The following IYD variants were observed in gnomAD, a reference collection of about 807,000 sequenced individuals.
IYD encodes iodotyrosine deiodinase, also known as iodotyrosine deiodinase 1.
IYD carries 25 observed loss-of-function variants against 28.4 expected under a neutral mutation model. The observed-to-expected ratio is 0.88, with a 90% CI of 0.64 to 1.23. The LOEUF (loss-of-function observed/expected upper bound fraction) is 1.23. Among genes scored for constraint, IYD ranks in the 50% most tolerant of loss-of-function variants. The probability of loss-of-function intolerance (pLI) is 0.00; values close to 1 mark genes in which losing one functional copy is unlikely to be tolerated. For synonymous variants in IYD, 140 were observed against 130.8 expected (o/e 1.07, Z -0.48); for missense variants, 352 against 357.9 (o/e 0.98, Z 0.13).
At position 150,398,206 on chromosome 6, in the gene IYD, A is replaced by C. The variant is rs1000455981; in HGVS notation, c.839A>C (p.Lys280Thr). Residue 280 changes from lysine (K) to threonine (T), a missense_variant, in exon 5 of 5, where the codon AAA (lysine) becomes ACA (threonine). Physicochemically the swap from Lys to Thr is moderately conservative, Grantham distance 78. Coordinates refer to ENST00000344419, the MANE Select transcript of IYD (RefSeq NM_203395.3). ...GCCACGGTGCCTGACCTCAAGCGCA[A>C]ACCTCTGGACCAGATCATGGTGACA... Reference protein sequence around the residue: ...KEATVPDLKRKPLDQIMVTV With the variant: ...KEATVPDLKRTPLDQIMVTV 1.9e-6 allele frequency: 3 copies of C among 1,614,098 alleles called. No homozygotes were observed. The highest frequency in any genetic ancestry group is 2.5e-6 in the Non-Finnish European group (3 of 1,180,002).
At chr6:150,370,605 T>C in intron 1 of IYD, 1 of 985,406 alleles carries the variant, frequency 1.0e-6, no homozygotes, top group Non-Finnish European at 1.2e-6. Context: ...ACTCAGAACG[T>C]CAATTCTACC....
intron 1 of IYD, among the ~76,000 whole-genome samples, chr6:150,381,687 C>T (rs1015401675): frequency 9.9e-5 from 15 of 152,104 alleles, no homozygotes; most frequent in African/African-American, 3.4e-4. Context: ...TGCTTTTCTT[C>T]TTAGTTGCAT....
chr6:150,389,520 T>C lies in IYD; in HGVS notation c.347T>C (p.Ile116Thr), dbSNP rs121918139. The C allele has an allele frequency of 2.5e-6, 4 of 1,614,086 alleles. No individual in the cohort carries two copies. Among genetic ancestry groups the C allele is most frequent in the Non-Finnish European group, 3.4e-6 (4 of 1,179,972 alleles). ...ISNEQVPMEVIDNVIRTAGTA... is the reference protein window; with the variant it reads ...ISNEQVPMEVTDNVIRTAGTA... ...AATGAGCAAGTCCCAATGGAAGTCA[T>C]TGATAATGTCATCAGAACGGCAGGT... Residue 116 changes from isoleucine (I) to threonine (T), a missense_variant, in exon 2 of 5, where the codon ATT (isoleucine) becomes ACT (threonine). Physicochemically the swap from Ile to Thr is moderately conservative, Grantham distance 89 (BLOSUM62 -1). Coordinates refer to ENST00000344419, the MANE Select transcript of IYD (RefSeq NM_203395.3).
intron 2 of IYD, 120 bp from the exon 3 acceptor site, chr6:150,392,225 T>C: frequency 1.9e-6 from 3 of 1,538,798 alleles, no homozygotes; most frequent in Non-Finnish European, 2.6e-6. Flanking sequence ...CAAAATTTTG[T>C]TTGATCCTCC....
At chr6:150,374,423 T>A (rs1463063984) in intron 1 of IYD, among the ~76,000 whole-genome samples, 3 of 152,214 alleles carry the variant, frequency 2.0e-5, no homozygotes, top group African/African-American at 7.2e-5. Flanking sequence ...GATAAAGACA[T>A]ACCTGAGACT....
At chr6:150,389,939 A>G (rs1486887322) in intron 2 of IYD, among the ~76,000 whole-genome samples, 1 of 152,158 alleles carries the variant, frequency 6.6e-6, no homozygotes, top group East Asian at 1.9e-4. Flanking sequence ...TTTTTTTGGA[A>G]GCAAATTTCT....
intron 1 of IYD, among the ~76,000 whole-genome samples, chr6:150,383,123 A>G (rs970617502): frequency 6.6e-6 from 1 of 152,196 alleles, no homozygotes; most frequent in African/African-American, 2.4e-5. Flanking sequence ...TGTGACACTA[A>G]TACTCTGGGA....
At chr6:150,396,691 G>T (rs1035076051) in intron 4 of IYD, 21 of 319,800 alleles carry the variant, frequency 6.6e-5, no homozygotes, top group East Asian at 4.9e-4. Flanking sequence ...TGGCTAACAT[G>T]GTGAAACCCG....
intron 1 of IYD, chr6:150,384,198 A>G (rs1238550314): frequency 6.6e-6 from 1 of 152,134 alleles, no homozygotes; most frequent in Admixed American, 6.5e-5. Context: ...TCTAAGTAGG[A>G]GTTGCTTTCT....
intron 4 of IYD, chr6:150,396,822 G>A (rs372184778): frequency 1.8e-5 from 3 of 167,820 alleles, no homozygotes; most frequent in Non-Finnish European, 2.5e-5. Flanking sequence ...TGCAGTGAGC[G>A]GAGATCCCGC....
Position 150,404,429 on chromosome 6 carries a change from G to T in IYD, c.*6192G>T, listed in dbSNP as rs1354104504. 1 of 152,138 alleles carries T rather than the reference G, an allele frequency of 6.6e-6. No homozygotes were observed. Among genetic ancestry groups the T allele is most frequent in the African/African-American group, 2.4e-5 (1 of 41,432 alleles). 9.4% of individuals were successfully genotyped at this position (152,138 alleles called of 1,614,324 possible). On this transcript the variant is annotated 3_prime_UTR_variant, in exon 5 of 5. Transcript: ENST00000344419. Reference sequence around the variant, plus strand: ...GAATATTTAACTTAGCTCATGAAAAGTATTAGACTAGATTTACTATAAGTT... The same window carrying T: ...GAATATTTAACTTAGCTCATGAAAATTATTAGACTAGATTTACTATAAGTT...
At chr6:150,371,383 T>A (rs1777235989) in intron 1 of IYD, among the ~76,000 whole-genome samples, 1 of 152,160 alleles carries the variant, frequency 6.6e-6, no homozygotes, top group Non-Finnish European at 1.5e-5. Context: ...GCCTCTCCCC[T>A]GGGAGAATGA....
chr6:150,374,200 A>G (rs570829126), intron 1 of IYD, among the ~76,000 whole-genome samples: 1 of 152,252 alleles, frequency 6.6e-6, no homozygotes, highest in South Asian at 2.1e-4. Context: ...AAAAGTATAC[A>G]TGTTTATTTA....
chr6:150,378,171 A>C (rs944523601), intron 1 of IYD, among the ~76,000 whole-genome samples: 6 of 150,718 alleles, frequency 4.0e-5, no homozygotes, highest in Non-Finnish European at 8.9e-5. Flanking sequence ...CTTTCTTTTT[A>C]TTTTATTTTA....
At chr6:150,369,366 G>T (rs371194462) in intron 1 of IYD, among the ~76,000 whole-genome samples, 157 bp downstream of exon 1, 4 of 151,906 alleles carry the variant, frequency 2.6e-5, no homozygotes, top group African/African-American at 9.6e-5. Context: ...GCACAGACAG[G>T]TCATCTCTCT....
Position 150,374,653 on chromosome 6 carries a change from AATT to A in IYD, c.178+5446_178+5448del, listed in dbSNP as rs754953085. Among the ~76,000 whole-genome samples, 93 of 152,198 alleles carry A rather than the reference AATT, an allele frequency of 6.1e-4. 1 individual carries two copies. The highest frequency in any genetic ancestry group is 1.2e-3 in the Non-Finnish European group (81 of 68,028). ...ATGGGGGAAACTGCCCCCATGATTC[AATT>A]ACCTCCCACTAGGTCCCTCCCACAA... On this transcript the variant is annotated intron_variant, in intron 1 of 4. Coordinates refer to ENST00000344419, the MANE Select transcript of IYD (RefSeq NM_203395.3).
chr6:150,369,129 A>T lies in IYD; in HGVS notation c.98A>T (p.Glu33Val), dbSNP rs544994595. The T allele has an allele frequency of 2.5e-6, 4 of 1,613,720 alleles. No individual in the cohort carries two copies. Among genetic ancestry groups the T allele is most frequent in the Admixed American group, 3.3e-5 (2 of 59,956 alleles). The change falls in exon 1 of 5, where the codon GAG becomes GTG. Residue 33 changes from glutamate (E) to valine (V), a missense_variant. Transcript: ENST00000344419. ...AGAAGCATGGAGAAAAAGAAGGGGG[A>T]GCCTAGAACCAGGGCCGAAGCTCGC... The part of the protein sequence containing the change: ...ADRSMEKKKG[E>V]PRTRAEARPW...
At chr6:150,386,049 T>C (rs1777851341) in intron 1 of IYD, among the ~76,000 whole-genome samples, 1 of 152,012 alleles carries the variant, frequency 6.6e-6, no homozygotes, top group Non-Finnish European at 1.5e-5. Flanking sequence ...ATTTAATCAG[T>C]TTCTACAGAG....
chr6:150,375,209 T>A (rs1777402775), intron 1 of IYD, among the ~76,000 whole-genome samples: 1 of 152,178 alleles, frequency 6.6e-6, no homozygotes, highest in African/African-American at 2.4e-5. Flanking sequence ...GGCTGCTGAA[T>A]GAAGGGACAG....
Sources: gnomAD v4.1 joint callset for allele counts (sites outside exome capture counted in the v4.1 genomes callset) on GRCh38, gnomAD v4.1.1 for gene constraint, MANE v1.5 for transcripts, NCBI Gene and HGNC (gene_info 2026-07-23, HGNC 2026-07-21) for gene names.